EPB41L1: variants seen among roughly 807,000 people sequenced by gnomAD.
The protein encoded by EPB41L1 is erythrocyte membrane protein band 4.1 like 1.
In EPB41L1, 29 loss-of-function variants were observed where a neutral mutation model predicts 97.8. The observed-to-expected ratio is 0.30, with a 90% CI of 0.22 to 0.40. The LOEUF is 0.40. EPB41L1 is among the 10% of genes least tolerant of loss of function. The pLI is 1.00. For synonymous variants in EPB41L1, 383 were observed against 459.2 expected (o/e 0.83, Z 2.12); for missense variants, 812 against 1,162.3 (o/e 0.70, Z 4.38).
chr20:36,206,469 C>T lies in EPB41L1; in HGVS notation c.1669-3019C>T. 7.8e-7 allele frequency: 1 copy of T among 1,289,912 alleles called. No individual in the cohort carries two copies. Among genetic ancestry groups the T allele is most frequent in the Non-Finnish European group, 1.0e-6 (1 of 988,896 alleles). 79.9% of individuals were successfully genotyped at this position (1,289,912 alleles called of 1,614,324 possible). A position where few individuals can be genotyped will look rare whatever the true frequency, so the allele number is the denominator to read the frequency against. On this transcript the variant is annotated intron_variant, in intron 14 of 21. Transcript: ENST00000338074. This position sits in a 1 kb window ranked among gnomAD's most constrained non-coding sequence, Gnocchi z 5.5. ...CTGATACTTCCTTTGCAGAGAGGAG[C>T]TTCTATTTAAATTATGAAGAAAAAG...
At position 36,178,647 on chromosome 20, in the gene EPB41L1, C is replaced by T; in HGVS notation, c.465C>T (p.Ser155=). ...TCTTTTAGAACTGGCTGGACCCCTC[C>T]AAGGAGATCAAGAAGCAGATCCGGA... is the stretch of plus-strand genomic sequence containing the variant. The part of the protein sequence containing the change: ...ADSQKNWLDP[S]KEIKKQIRSS... Residue 155 remains serine, a synonymous_variant, in exon 5 of 22, where the codon TCC becomes TCT. Transcript: ENST00000338074. 6.2e-7 allele frequency: 1 copy of T among 1,614,136 alleles called. No individual in the cohort carries two copies. Among genetic ancestry groups the T allele is most frequent in the South Asian group, 1.1e-5 (1 of 91,072 alleles).
At chr20:36,201,236 C>T (rs2062479332) in intron 14 of EPB41L1, among the ~76,000 whole-genome samples, 1 of 152,208 alleles carries the variant, frequency 6.6e-6, no homozygotes, top group Non-Finnish European at 1.5e-5. Flanking sequence ...GAAGACAGAA[C>T]AGCCTGCATT....
intron 2 of EPB41L1, among the ~76,000 whole-genome samples, chr20:36,142,286 A>G (rs1158875313): frequency 6.6e-6 from 1 of 152,198 alleles, no homozygotes; most frequent in Non-Finnish European, 1.5e-5. Context: ...ATTTCAGCAT[A>G]TGTATGTATC....
intron 1 of EPB41L1, among the ~76,000 whole-genome samples, chr20:36,167,481 C>T (rs939915795): frequency 1.6e-4 from 24 of 151,848 alleles, no homozygotes; most frequent in South Asian, 2.1e-4. Context: ...CTGAGGCGGG[C>T]GGATTGCCTG....
chr20:36,217,803 A>C (rs1007504835), intron 17 of EPB41L1, among the ~76,000 whole-genome samples: 2 of 152,066 alleles, frequency 1.3e-5, no homozygotes, highest in African/African-American at 4.8e-5. Flanking sequence ...CAGGTGTGGG[A>C]GCGGCAGGGG....
chr20:36,209,834 C>T lies in EPB41L1; in HGVS notation c.2015C>T (p.Ser672Phe), dbSNP rs1363444238. 6.2e-7 allele frequency: 1 copy of T among 1,613,720 alleles called. No homozygotes were observed. The highest frequency in any genetic ancestry group is 1.3e-5 in the African/African-American group (1 of 74,924). The change falls in exon 15 of 22, where the codon TCT becomes TTT. Residue 672 changes from serine (S) to phenylalanine (F), a missense_variant. Physicochemically the swap from Ser to Phe is radical, Grantham distance 155 (BLOSUM62 -2). Coordinates refer to ENST00000338074, the MANE Select transcript of EPB41L1 (RefSeq NM_012156.2). This position sits in a 1 kb window ranked among gnomAD's most constrained non-coding sequence, Gnocchi z 4.2. ...NKGAPSQDDE[S>F]GGIEDSPDRG... ...GGGGCCCCCAGCCAGGATGATGAGT[C>T]TGGGGGCATTGAGGACAGCCCGGAT...
intron 1 of EPB41L1, among the ~76,000 whole-genome samples, chr20:36,167,605 G>A (rs1254313830): frequency 6.6e-6 from 1 of 151,964 alleles, no homozygotes; most frequent in Non-Finnish European, 1.5e-5. Flanking sequence ...CTACTTGGGA[G>A]GCTGAGGCAG....
intron 1 of EPB41L1, among the ~76,000 whole-genome samples, chr20:36,102,022 A>AAAAC (rs1402828896): frequency 1.2e-4 from 18 of 147,834 alleles, no homozygotes; most frequent in South Asian, 4.4e-4. Context: ...AAAACAAAAC[A>AAAAC]AAACAAAACA....
rs369815184 is a variant in EPB41L1 at position 36,101,206 on chromosome 20, A to G, written c.-65+9594A>G. Among the ~76,000 whole-genome samples the G allele has an allele frequency of 7.9e-5, 12 of 152,070 alleles. No individual in the cohort carries two copies. The East Asian group carries it at 1.2e-3, about 15-fold the overall frequency. On this transcript the variant is annotated intron_variant, in intron 1 of 19. Transcript: ENST00000202028. ...GGGAGGCAGAGACCGGAGCCAGGAG[A>G]CCCAGGTTCAGAGGTACATATCCAC...
intron 2 of EPB41L1, among the ~76,000 whole-genome samples, chr20:36,135,065 G>A (rs2059367674): frequency 6.6e-6 from 1 of 151,892 alleles, no homozygotes. Flanking sequence ...GGTTTTGCAT[G>A]TTGGTCAGGA....
intron 14 of EPB41L1, among the ~76,000 whole-genome samples, chr20:36,198,489 T>A (rs575829759): frequency 6.6e-6 from 1 of 152,342 alleles, no homozygotes; most frequent in East Asian, 1.9e-4. Flanking sequence ...TTGTGCCTAT[T>A]GTGAAAACAC....
intron 1 of EPB41L1, among the ~76,000 whole-genome samples, chr20:36,100,280 C>T (rs2147491784): frequency 6.6e-6 from 1 of 152,288 alleles, no homozygotes; most frequent in Non-Finnish European, 1.5e-5. Context: ...TCCTTTCCTC[C>T]CTCCTCTTCT....
chr20:36,200,959 C>T (rs2062461618), intron 14 of EPB41L1: 1 of 456,830 alleles, frequency 2.2e-6, no homozygotes. Context: ...CTCAGAAAAG[C>T]CTCGCAGCAT....
At position 36,190,877 on chromosome 20, in the gene EPB41L1, A is replaced by G; in HGVS notation, c.1300+80A>G. The G allele has an allele frequency of 6.4e-7, 1 of 1,563,438 alleles. No individual in the cohort carries two copies. The highest frequency in any genetic ancestry group is 8.7e-7 in the Non-Finnish European group (1 of 1,154,920). Reference sequence around the variant, plus strand: ...GAGTGGGCATGCTGGGTTCTGCAGAATGAGCAGGAAAATGGTAGATGCATC... The same window carrying G: ...GAGTGGGCATGCTGGGTTCTGCAGAGTGAGCAGGAAAATGGTAGATGCATC... On this transcript the variant is annotated intron_variant, in intron 11 of 21. Transcript: ENST00000338074. The surrounding 1 kb of genome is among the most constrained non-coding windows in gnomAD (Gnocchi z 5.8).
chr20:36,211,987 G>A (rs923036360), intron 15 of EPB41L1, among the ~76,000 whole-genome samples: 2 of 152,190 alleles, frequency 1.3e-5, no homozygotes, highest in African/African-American at 4.8e-5. Context: ...AATGGTAGAT[G>A]TTCTAATAGT....
chr20:36,160,547 G>A (rs1047835342), intron 1 of EPB41L1, among the ~76,000 whole-genome samples: 5 of 151,154 alleles, frequency 3.3e-5, no homozygotes, highest in African/African-American at 4.9e-5. Context: ...CCGAGATTGC[G>A]CCATTGCACT....
At chr20:36,202,652 T>C (rs1056685124) in intron 14 of EPB41L1, among the ~76,000 whole-genome samples, 19 of 150,582 alleles carry the variant, frequency 1.3e-4, no homozygotes, top group Non-Finnish European at 2.7e-4. Flanking sequence ...ATAATAATAA[T>C]AATAATAATA....
chr20:36,196,828 G>A (rs2062226738), intron 13 of EPB41L1, among the ~76,000 whole-genome samples: 1 of 152,248 alleles, frequency 6.6e-6, no homozygotes, highest in Non-Finnish European at 1.5e-5. Flanking sequence ...TGCCCCAGAA[G>A]TAGCCAGATA....
chr20:36,102,781 C>G (rs2058059541), intron 1 of EPB41L1, among the ~76,000 whole-genome samples: 1 of 152,172 alleles, frequency 6.6e-6, no homozygotes, highest in Admixed American at 6.5e-5. Context: ...ATGCTCAAGT[C>G]CTTTCTCCCT....
Sources: gnomAD v4.1 joint callset for allele counts (sites outside exome capture counted in the v4.1 genomes callset) on GRCh38, gnomAD v4.1.1 for gene constraint, Gnocchi (gnomAD v3.1) non-coding constraint, MANE v1.5 for transcripts, NCBI Gene and HGNC (gene_info 2026-07-23, HGNC 2026-07-21) for gene names.